The following ZNF559 variants were observed in gnomAD, a reference collection of about 807,000 sequenced individuals.
The protein encoded by ZNF559 is zinc finger protein 559.
A neutral mutation model predicts 14.2 loss-of-function variants in ZNF559; 17 were observed. That is an observed-to-expected ratio of 1.20 (90% confidence interval 0.82 to 1.80). ZNF559 has a LOEUF of 1.80. ZNF559 is among the 40% of genes most tolerant of loss of function. ZNF559 has a pLI of 0.00. For missense variants in ZNF559, 740 were observed against 629.7 expected (o/e 1.18, Z -1.88); for synonymous variants, 244 against 212.4 (o/e 1.15, Z -1.29).
At chr19:9,324,629 C>G (rs868324998) in intron 1 of ZNF559, 66 bp from the exon 2 acceptor site, 2 of 863,628 alleles carry the variant, frequency 2.3e-6, no homozygotes, top group East Asian at 6.2e-5. Flanking sequence ...CCCCCCCCCC[C>G]AACCATCTCT....
intron 2 of ZNF559, among the ~76,000 whole-genome samples, chr19:9,328,667 G>A (rs752014927): frequency 2.6e-5 from 4 of 152,052 alleles, no homozygotes; most frequent in Non-Finnish European, 5.9e-5. Flanking sequence ...GAGCCACTGC[G>A]CCTGGCCTAA....
Position 9,341,730 on chromosome 19 carries a change from T to C in ZNF559, c.279T>C (p.Phe93=). The C allele has an allele frequency of 2.5e-6, 4 of 1,596,588 alleles. No homozygotes were observed. Among genetic ancestry groups the C allele is most frequent in the Non-Finnish European group, 3.4e-6 (4 of 1,174,886 alleles). ...ATTTTGGAGAGGAACTGTTTGACTT[T>C]AACCAATGTGAAAAAGCCTTGAGTG... is the stretch of plus-strand genomic sequence containing the variant. ...RNHFGEELFD[F]NQCEKALSEH... The change falls in exon 7 of 7, where the codon TTT becomes TTC. Residue 93 remains phenylalanine, a synonymous_variant. Transcript: ENST00000603380.
intron 2 of ZNF559, among the ~76,000 whole-genome samples, chr19:9,334,242 T>G (rs982064363): frequency 1.2e-4 from 18 of 152,356 alleles, no homozygotes; most frequent in Non-Finnish European, 2.1e-4. Context: ...CAGAAGTCAT[T>G]TGGATTTCAG....
chr19:9,336,949 G>A (rs759758015), intron 2 of ZNF559, among the ~76,000 whole-genome samples: 2 of 152,162 alleles, frequency 1.3e-5, no homozygotes, highest in Non-Finnish European at 2.9e-5. Flanking sequence ...TACAGTTATG[G>A]TTTATTATAA....
chr19:9,324,934 A>G (rs1325443894), intron 2 of ZNF559, among the ~76,000 whole-genome samples, 154 bp downstream of exon 2: 1 of 151,968 alleles, frequency 6.6e-6, no homozygotes, highest in Non-Finnish European at 1.5e-5. Context: ...ATAACTGTAA[A>G]ATTTACCACC....
At position 9,342,317 on chromosome 19, in the gene ZNF559, G is replaced by A. The variant is rs933213561; in HGVS notation, c.866G>A (p.Arg289Lys). Residue 289 changes from arginine to lysine, a missense_variant, in exon 7 of 7, where the codon AGA becomes AAA. Physicochemically the swap from Arg to Lys is conservative, Grantham distance 26. Transcript: ENST00000603380. ...AFSPDLAKHI[R>K]LRTRGKHYVC... ...TCCCCAGATCTTGCTAAACATATAA[G>A]ACTTAGAACTAGAGGAAAACACTAT... 3.1e-6 allele frequency: 5 copies of A among 1,599,224 alleles called. No homozygotes were observed. In the African/African-American group the frequency reaches 6.8e-5, roughly 22 times the overall value.
In ZNF559 at chr19:9,328,279, T is replaced by G. The variant is rs1372137736; in HGVS notation, c.-120+3499T>G. On this transcript the variant is annotated intron_variant, in intron 2 of 6. Coordinates refer to ENST00000603380, the MANE Select transcript of ZNF559 (RefSeq NM_032497.3). ...TACTAAGGATATAAAGTTCAAACAT[T>G]TGCTTGAACTCAGTTTTTTTCTCTG... Among the ~76,000 whole-genome samples the G allele has an allele frequency of 3.3e-5, 5 of 152,052 alleles. No homozygotes were observed. The South Asian group carries it at 1.0e-3, about 32-fold the overall frequency.
chr19:9,329,209 T>C (rs2066805281), intron 2 of ZNF559, among the ~76,000 whole-genome samples: 3 of 152,208 alleles, frequency 2.0e-5, no homozygotes, highest in Admixed American at 6.5e-5. Flanking sequence ...TGTGGTGCCA[T>C]AGTTTTTAAT....
intron 2 of ZNF559, among the ~76,000 whole-genome samples, chr19:9,337,381 A>G (rs1394059929): frequency 4.6e-5 from 7 of 152,238 alleles, no homozygotes; most frequent in Non-Finnish European, 7.3e-5. Context: ...CTAAAAGGTC[A>G]TCTCTCACAA....
intron 2 of ZNF559, among the ~76,000 whole-genome samples, chr19:9,332,176 G>T (rs1347309651): frequency 6.6e-6 from 1 of 151,994 alleles, no homozygotes; most frequent in African/African-American, 2.4e-5. Context: ...AACAATCATG[G>T]TTAATGAATT....
chr19:9,340,008 G>C (rs920042613), intron 5 of ZNF559, among the ~76,000 whole-genome samples: 1 of 137,990 alleles, frequency 7.2e-6, no homozygotes, highest in African/African-American at 2.8e-5. Context: ...GGATGGTCTC[G>C]ATCTCTTGAC....
chr19:9,328,575 C>T (rs1007890227), intron 2 of ZNF559, among the ~76,000 whole-genome samples: 1 of 151,756 alleles, frequency 6.6e-6, no homozygotes, highest in East Asian at 1.9e-4. Context: ...CTGGTCTCAA[C>T]TCCTGACCTC....
In ZNF559 at chr19:9,342,152, C is replaced by G. The variant is rs1465167862; in HGVS notation, c.701C>G (p.Thr234Ser). 1.2e-6 allele frequency: 2 copies of G among 1,612,414 alleles called. No individual in the cohort carries two copies. Among genetic ancestry groups the G allele is most frequent in the East Asian group, 4.5e-5 (2 of 44,862 alleles). ...ACAGCCCTTTTTGTACACATGCAAA[C>G]TCAAGATGGAGAAAAATTCTATGAA... is the stretch of plus-strand genomic sequence containing the variant. Reference protein sequence around the residue: ...HSTALFVHMQTQDGEKFYECK... With the variant: ...HSTALFVHMQSQDGEKFYECK... Residue 234 changes from threonine to serine, a missense_variant, in exon 7 of 7, where the codon ACT becomes AGT. Thr to Ser is a moderately conservative substitution (Grantham distance 58). Coordinates refer to ENST00000603380, the MANE Select transcript of ZNF559 (RefSeq NM_032497.3).
intron 2 of ZNF559, among the ~76,000 whole-genome samples, chr19:9,326,613 G>T (rs542770928): frequency 1.3e-5 from 2 of 152,152 alleles, no homozygotes; most frequent in East Asian, 3.9e-4. Flanking sequence ...AATTTTAGTA[G>T]CCAAATTAGA....
rs192920947 is a variant in ZNF559, at chr19:9,343,328, C to T, written c.*260C>T. On this transcript the variant is annotated 3_prime_UTR_variant, in exon 7 of 7. Transcript: ENST00000603380. Reference sequence around the variant, plus strand: ...AACAAACTGAACGTAGGAAACCTGTCGATGCTTACATCTTACTGAGTCTGT... The same window carrying T: ...AACAAACTGAACGTAGGAAACCTGTTGATGCTTACATCTTACTGAGTCTGT... 109 of 1,237,506 alleles carry T rather than the reference C, an allele frequency of 8.8e-5. 1 individual carries two copies. The highest frequency in any genetic ancestry group is 3.2e-4 in the South Asian group (15 of 46,468). The allele number at this position is 1,237,506 out of a possible 1,614,324, so 76.7% of individuals were successfully genotyped here.
chr19:9,324,045 C>CG (rs2066427644), upstream of ZNF559: 1 of 1,048,226 alleles, frequency 9.5e-7, no homozygotes, highest in South Asian at 1.5e-5. Flanking sequence ...TTGCGCTCTT[C>CG]GGGGAGGTAA....
rs932680311 is a variant in ZNF559 at position 9,324,628 on chromosome 19, C to A, written c.-205-67C>A. The A allele has an allele frequency of 2.8e-5, 26 of 925,400 alleles. 2 individuals are homozygous for A. The highest frequency in any genetic ancestry group is 7.4e-5 in the African/African-American group (3 of 40,328). 57.3% of individuals were successfully genotyped at this position (925,400 alleles called of 1,614,324 possible). The stretch of plus-strand genomic sequence containing the variant: ...GGGCAACATAGGGAGACCCCCCCCC[C>A]CAACCATCTCTAATGGAAAAAAAAA... On this transcript the variant is annotated intron_variant, in intron 1 of 6. Coordinates refer to ENST00000603380, the MANE Select transcript of ZNF559 (RefSeq NM_032497.3).
intron 5 of ZNF559, among the ~76,000 whole-genome samples, chr19:9,339,934 A>ATTTTTT (rs545536064): frequency 2.1e-3 from 180 of 86,324 alleles, no homozygotes; most frequent in African/African-American, 6.1e-3. Flanking sequence ...ACGCCTGGCT[A>ATTTTTT]TTTTTTTTTT....
intron 2 of ZNF559, chr19:9,330,220 T>G (rs573771132): frequency 6.6e-6 from 1 of 152,348 alleles, no homozygotes; most frequent in East Asian, 1.9e-4. Context: ...TTGTATGTAG[T>G]AAGTCATTTT....
Sources: gnomAD v4.1 joint callset for allele counts (sites outside exome capture counted in the v4.1 genomes callset) on GRCh38, gnomAD v4.1.1 for gene constraint, MANE v1.5 for transcripts, NCBI Gene and HGNC (gene_info 2026-07-23, HGNC 2026-07-21) for gene names.